The following TENM2 variants were observed in gnomAD, a reference collection of about 807,000 sequenced individuals.
The protein encoded by TENM2 is teneurin transmembrane protein 2, also known as teneurin-2.
Under a neutral mutation model 245.2 loss-of-function variants are expected in TENM2, and 52 were observed. The ratio of observed to expected loss-of-function variants is 0.21; its 90% confidence interval spans 0.17 to 0.27. TENM2 has a LOEUF of 0.27. Ranked by LOEUF, TENM2 falls within the 10% of genes least tolerant of loss-of-function variation. TENM2 has a pLI of 1.00. For missense variants in TENM2, 3,046 were observed against 3,666.8 expected, an observed-to-expected ratio of 0.83 and a Z score of 4.37; for synonymous variants, 1,363 against 1,438.9, an observed-to-expected ratio of 0.95 and a Z score of 1.19.
intron 2 of TENM2, among the ~76,000 whole-genome samples, chr5:167,489,684 C>T (rs1021683278): frequency 7.9e-5 from 12 of 152,234 alleles, no homozygotes; most frequent in African/African-American, 2.9e-4. Flanking sequence ...GATTTTTATG[C>T]ATTTTGTTCA....
At chr5:167,810,149 G>A (rs1386131092) in intron 2 of TENM2, among the ~76,000 whole-genome samples, 1 of 152,070 alleles carries the variant, frequency 6.6e-6, no homozygotes, top group Non-Finnish European at 1.5e-5. Flanking sequence ...TAGTGAAAAG[G>A]TTGAACTTTG....
At chr5:167,282,291 T>C (rs900650206), upstream of TENM2, among the ~76,000 whole-genome samples, 2 of 152,182 alleles carry the variant, frequency 1.3e-5, no homozygotes, top group African/African-American at 4.8e-5. Context: ...GTACACAGTC[T>C]TATATTCTTT....
At chr5:167,195,954 C>A in the TENM2 span, among the ~76,000 whole-genome samples, 2 of 151,868 alleles carry the variant, frequency 1.3e-5, no homozygotes, top group South Asian at 4.2e-4. Context: ...AATGAAGCCC[C>A]ATTTGATCAT....
At chr5:167,693,076 T>C (rs563867346) in intron 2 of TENM2, among the ~76,000 whole-genome samples, 1 of 152,366 alleles carries the variant, frequency 6.6e-6, no homozygotes, top group South Asian at 2.1e-4. Context: ...GTATGTTTCA[T>C]CTGTAATTAG....
chr5:167,796,464 C>A (rs1162045043), intron 2 of TENM2, among the ~76,000 whole-genome samples: 1 of 152,252 alleles, frequency 6.6e-6, no homozygotes, highest in East Asian at 1.9e-4. Flanking sequence ...TCCTTCTGTA[C>A]CTTCATGTAC....
At chr5:166,997,301 ATATAT>A in the TENM2 span, among the ~76,000 whole-genome samples, 1 of 152,232 alleles carries the variant, frequency 6.6e-6, no homozygotes, top group Admixed American at 6.5e-5. Context: ...AGCACTTTAC[ATATAT>A]TATATAATCC....
At chr5:167,960,227 G>T (rs1242179276) in intron 4 of TENM2, among the ~76,000 whole-genome samples, 1 of 152,234 alleles carries the variant, frequency 6.6e-6, no homozygotes, top group Non-Finnish European at 1.5e-5. Flanking sequence ...GCACTGTGCT[G>T]GGAGATCCGC....
intron 2 of TENM2, among the ~76,000 whole-genome samples, chr5:167,514,821 A>C (rs1050224650): frequency 3.3e-5 from 5 of 151,818 alleles, no homozygotes; most frequent in Admixed American, 2.0e-4. Context: ...GACCAGCCTG[A>C]CCAACATGGT....
chr5:168,248,166 T>C, exon 27 of TENM2: 1 of 1,613,966 alleles, frequency 6.2e-7, no homozygotes, highest in Non-Finnish European at 8.5e-7. Context: ...AGATGGTCAT[T>C]GGCTTCCATG....
the TENM2 span, among the ~76,000 whole-genome samples, chr5:167,191,486 A>G: frequency 4.6e-5 from 7 of 151,944 alleles, no homozygotes; most frequent in Non-Finnish European, 7.4e-5. Context: ...CCTTGTATAC[A>G]TGCTCTTTCT....
chr5:167,216,869 G>A, the TENM2 span, among the ~76,000 whole-genome samples: 2 of 151,986 alleles, frequency 1.3e-5, no homozygotes, highest in Non-Finnish European at 2.9e-5. Flanking sequence ...GGAGGTTGCA[G>A]TAAGTCGAGA....
intron 1 of TENM2, chr5:167,303,394 GTT>G (rs1181217645): frequency 6.6e-6 from 1 of 152,162 alleles, no homozygotes; most frequent in Non-Finnish European, 1.5e-5. Context: ...GGGTGAGGCC[GTT>G]TTATAAGATT....
the TENM2 span, among the ~76,000 whole-genome samples, chr5:167,160,585 A>G: frequency 1.3e-5 from 2 of 152,232 alleles, no homozygotes; most frequent in African/African-American, 2.4e-5. Flanking sequence ...TGGATCTTAC[A>G]TCTCTTTCAG....
At chr5:167,492,432 G>A (rs1250324088) in intron 2 of TENM2, among the ~76,000 whole-genome samples, 1 of 152,042 alleles carries the variant, frequency 6.6e-6, no homozygotes, top group Non-Finnish European at 1.5e-5. Flanking sequence ...TGCATGCGAT[G>A]GGCTGAGTAC....
the TENM2 span, among the ~76,000 whole-genome samples, chr5:167,188,910 G>T: frequency 1.3e-5 from 2 of 152,076 alleles, no homozygotes; most frequent in Non-Finnish European, 2.9e-5. Flanking sequence ...CCAATTTTTT[G>T]TCTACATTTT....
chr5:167,768,172 C>T (rs1763165871), intron 2 of TENM2, among the ~76,000 whole-genome samples: 1 of 152,082 alleles, frequency 6.6e-6, no homozygotes. Flanking sequence ...GCTAAATAAC[C>T]CTCAATATGA....
chr5:167,367,071 G>A (rs542376077), intron 1 of TENM2, among the ~76,000 whole-genome samples: 1 of 152,168 alleles, frequency 6.6e-6, no homozygotes, highest in African/African-American at 2.4e-5. Context: ...ATTGGAATGG[G>A]AAAATGCCAC....
chr5:167,870,997 G>A (rs1481394625), intron 2 of TENM2, among the ~76,000 whole-genome samples: 4 of 152,120 alleles, frequency 2.6e-5, no homozygotes, highest in Non-Finnish European at 4.4e-5. Flanking sequence ...TATTAAAAAG[G>A]GTTGGGCAGA....
intron 4 of TENM2, among the ~76,000 whole-genome samples, chr5:167,988,516 A>G (rs2151993984): frequency 6.6e-6 from 1 of 152,318 alleles, no homozygotes; most frequent in Non-Finnish European, 1.5e-5. Context: ...TCTCTGAAAA[A>G]GTGCTATGAG....
Sources: allele counts gnomAD v4.1 joint callset (sites outside exome capture counted in the v4.1 genomes callset), GRCh38; gene constraint gnomAD v4.1.1; transcripts MANE v1.5; gene names NCBI Gene and HGNC (gene_info 2026-07-23, HGNC 2026-07-21).